The following IQCM variants were observed in gnomAD, a reference collection of about 807,000 sequenced individuals.
The protein encoded by IQCM is IQ domain-containing protein M.
Under a neutral mutation model 57.6 loss-of-function variants are expected in IQCM, and 45 were observed. That is an observed-to-expected ratio of 0.78 (90% CI 0.62 to 1.00). IQCM has a LOEUF of 1.00. IQCM is among the 50% of genes least tolerant of loss of function. IQCM has a pLI of 0.00. For synonymous variants in IQCM, 148 were observed against 158.9 expected (o/e 0.93, Z 0.51); for missense variants, 468 against 511.6 (o/e 0.91, Z 0.82).
intron 2 of IQCM, among the ~76,000 whole-genome samples, chr4:149,743,934 AC>A (rs1248291213): frequency 6.6e-6 from 1 of 152,154 alleles, no homozygotes; most frequent in Admixed American, 6.6e-5. Flanking sequence ...TTCCATGGAG[AC>A]CCTTGTTCTA....
chr4:149,429,872 A>C (rs1355178254), intron 13 of IQCM: 1 of 645,892 alleles, frequency 1.5e-6, no homozygotes, highest in East Asian at 3.5e-5. Flanking sequence ...AAAAAGAAAA[A>C]AATCAGCAAA....
At chr4:149,659,828 A>C (rs1760007435) in intron 7 of IQCM, among the ~76,000 whole-genome samples, 1 of 151,692 alleles carries the variant, frequency 6.6e-6, no homozygotes, top group South Asian at 2.1e-4. Context: ...ACAAAAATTA[A>C]TTCAAGATGG....
chr4:149,625,518 A>G (rs1756715429), intron 7 of IQCM, among the ~76,000 whole-genome samples: 1 of 152,226 alleles, frequency 6.6e-6, no homozygotes, highest in African/African-American at 2.4e-5. Context: ...CTCAGGGAGA[A>G]CTGCATTTTT....
chr4:149,428,990 G>C (rs1465987663), intron 13 of IQCM, among the ~76,000 whole-genome samples: 1 of 151,836 alleles, frequency 6.6e-6, no homozygotes, highest in African/African-American at 2.4e-5. Context: ...AGTTAAAATG[G>C]ACCATTGCTT....
intron 12 of IQCM, among the ~76,000 whole-genome samples, chr4:149,459,147 G>A (rs2149707300): frequency 6.6e-6 from 1 of 152,298 alleles, no homozygotes; most frequent in African/African-American, 2.4e-5. Context: ...GTTATGGTAT[G>A]ATCACATATT....
chr4:149,754,233 G>A (rs182735447), intron 2 of IQCM, among the ~76,000 whole-genome samples: 4 of 152,296 alleles, frequency 2.6e-5, no homozygotes, highest in Admixed American at 2.0e-4. Flanking sequence ...TCAGTGACTA[G>A]TCAACTAGGA....
chr4:149,777,594 T>G (rs565840631), intron 2 of IQCM, among the ~76,000 whole-genome samples: 16 of 152,322 alleles, frequency 1.1e-4, no homozygotes, highest in African/African-American at 3.9e-4. Flanking sequence ...TTCATCTATT[T>G]TGCCTATAAC....
rs1262748546 is a variant in IQCM, at chr4:149,529,176, G to A, written c.1228+19279C>T. On this transcript the variant is annotated intron_variant, in intron 12 of 13. Transcript: ENST00000636793. ...CCTCCTGGGTTCAAGCAATTCTCCC[G>A]CTTCGGCCTCCCAAGTAGCTGGGAT... is the stretch of plus-strand genomic sequence containing the variant. 5.9e-5 allele frequency among the ~76,000 whole-genome samples: 9 copies of A among 152,096 alleles called. No homozygotes were observed. In the East Asian group the frequency reaches 9.7e-4, roughly 16 times the overall value.
intron 5 of IQCM, among the ~76,000 whole-genome samples, chr4:149,726,315 A>G (rs549599199): frequency 1.3e-3 from 204 of 152,270 alleles, no homozygotes; most frequent in African/African-American, 4.6e-3. Context: ...AAAAAATTGA[A>G]GTAATCTCAC....
intron 2 of IQCM, among the ~76,000 whole-genome samples, chr4:149,778,121 A>G (rs1250981409): frequency 6.6e-6 from 1 of 152,220 alleles, no homozygotes; most frequent in Non-Finnish European, 1.5e-5. Context: ...TCACGCCTGT[A>G]ATCCCAGCAC....
intron 7 of IQCM, among the ~76,000 whole-genome samples, chr4:149,675,998 G>C (rs972568029): frequency 5.3e-5 from 8 of 152,090 alleles, no homozygotes; most frequent in African/African-American, 1.9e-4. Flanking sequence ...AGCATTATTA[G>C]CTTTTTTTCT....
intron 12 of IQCM, among the ~76,000 whole-genome samples, chr4:149,528,100 C>G (rs143085644): frequency 3.3e-5 from 5 of 151,926 alleles, no homozygotes; most frequent in East Asian, 1.9e-4. Flanking sequence ...ATTCTCGTGC[C>G]GCAGCCTCCT....
rs77749815 is a variant in IQCM, at chr4:149,391,771, A to T, written c.1391-39705T>A. Among the ~76,000 whole-genome samples the T allele has an allele frequency of 3.8e-3, 574 of 152,112 alleles. 2 individuals are homozygous for T. Among genetic ancestry groups the T allele is most frequent in the African/African-American group, 0.013 (531 of 41,544 alleles). ...TAGGAGGCTGTTATTTATTTTCCAC[A>T]TAATATGAATCTCCCAAATTTTCCT... On this transcript the variant is annotated intron_variant, in intron 13 of 13. Coordinates refer to ENST00000636793, the MANE Select transcript of IQCM (RefSeq NM_001363507.2).
chr4:149,793,096 A>G (rs1371698680), intron 2 of IQCM, among the ~76,000 whole-genome samples: 1 of 152,180 alleles, frequency 6.6e-6, no homozygotes, highest in African/African-American at 2.4e-5. Flanking sequence ...GCCTAATTAA[A>G]AAGTATTAAG....
intron 12 of IQCM, among the ~76,000 whole-genome samples, chr4:149,542,376 C>T (rs1173897534): frequency 1.3e-5 from 2 of 152,072 alleles, no homozygotes; most frequent in Non-Finnish European, 2.9e-5. Context: ...GCAGCTCTTG[C>T]TATCAAGAAT....
At chr4:149,433,752 GC>G (rs1257278445) in intron 12 of IQCM, among the ~76,000 whole-genome samples, 195 bp from the exon 13 acceptor site, 1 of 151,576 alleles carries the variant, frequency 6.6e-6, no homozygotes, top group Non-Finnish European at 1.5e-5. Context: ...AAGAGTAAGG[GC>G]TTTACTAATA....
intron 9 of IQCM, among the ~76,000 whole-genome samples, chr4:149,584,657 C>G (rs1003833973): frequency 1.3e-5 from 2 of 151,634 alleles, no homozygotes; most frequent in Non-Finnish European, 3.0e-5. Context: ...TGTACATATA[C>G]AAACAAAAGT....
chr4:149,450,936 C>T (rs1737052269), intron 12 of IQCM, among the ~76,000 whole-genome samples: 2 of 151,894 alleles, frequency 1.3e-5, no homozygotes, highest in South Asian at 2.1e-4. Context: ...CAGCACTGTT[C>T]ACAATAGCCA....
chr4:149,681,438 T>G (rs1273283900), intron 7 of IQCM, among the ~76,000 whole-genome samples: 1 of 151,234 alleles, frequency 6.6e-6, no homozygotes, highest in Non-Finnish European at 1.5e-5. Context: ...GAAAACATGA[T>G]TCATAGAATT....
Sources: gnomAD v4.1 joint callset for allele counts (sites outside exome capture counted in the v4.1 genomes callset) on GRCh38, gnomAD v4.1.1 for gene constraint, MANE v1.5 for transcripts, NCBI Gene and HGNC (gene_info 2026-07-23, HGNC 2026-07-21) for gene names.